Variants in HS2ST1 observed in about 807,000 individuals in gnomAD.
HS2ST1 encodes the protein 2-O-sulfotransferase.
A neutral mutation model predicts 42.9 loss-of-function variants in HS2ST1; 18 were observed. The observed-to-expected ratio is 0.42, with a 90% CI of 0.29 to 0.62. The LOEUF is 0.62. Among genes scored for constraint, HS2ST1 ranks in the 20% least tolerant of loss-of-function variants. The pLI is 0.21. For synonymous variants in HS2ST1, 146 were observed against 152.9 expected, an observed-to-expected ratio of 0.95 and a Z score of 0.33; for missense variants, 334 against 433.8, an observed-to-expected ratio of 0.77 and a Z score of 2.04.
chr1:86,991,587 G>A (rs1405189061), intron 1 of HS2ST1, among the ~76,000 whole-genome samples: 1 of 152,196 alleles, frequency 6.6e-6, no homozygotes, highest in Non-Finnish European at 1.5e-5. Context: ...AAATAGGTGA[G>A]GAGGCAGCTT....
At position 87,031,940 on chromosome 1, in the gene HS2ST1, A is replaced by G. The variant is rs149911749; in HGVS notation, c.125-40994A>G. On this transcript the variant is annotated intron_variant, in intron 1 of 6. Coordinates refer to ENST00000370550, the MANE Select transcript of HS2ST1 (RefSeq NM_012262.4). ...TTCATTCAACCACCATATTATGACT[A>G]ATATTTTATGGCATAATTTACTGGT... Among the ~76,000 whole-genome samples, 84 of 152,324 alleles carry G rather than the reference A, an allele frequency of 5.5e-4. No homozygotes were observed. The South Asian group carries it at 7.2e-3, about 13-fold the overall frequency.
Position 87,045,218 on chromosome 1 carries a change from T to A in HS2ST1, c.125-27716T>A, listed in dbSNP as rs78179507. ...CTTTTTCTGGGGCATCACCAACACT[T>A]CAAATTCAACATCCTTTCCTAGGTC... On this transcript the variant is annotated intron_variant, in intron 1 of 6. Coordinates refer to ENST00000370550, the MANE Select transcript of HS2ST1 (RefSeq NM_012262.4). 6,759 of 1,000,652 alleles carry A rather than the reference T, an allele frequency of 6.8e-3. 292 individuals carry two copies. The African/African-American group carries it at 0.095, about 14-fold the overall frequency. The allele number at this position is 1,000,652 out of a possible 1,614,324, so 62.0% of individuals were successfully genotyped here.
chr1:87,046,036 A>G, intron 1 of HS2ST1: 1 of 678,656 alleles, frequency 1.5e-6, no homozygotes, highest in East Asian at 3.4e-5. Context: ...CTGCAGTTTT[A>G]CCTGAAAGCT....
chr1:86,945,563 C>A (rs1300967081), intron 1 of HS2ST1, among the ~76,000 whole-genome samples: 4 of 8,670 alleles, frequency 4.6e-4, no homozygotes, highest in Admixed American at 8.3e-4. Context: ...TCATAAGCCT[C>A]TTTAATTAAT....
At chr1:87,052,098 C>G (rs1229004313) in intron 1 of HS2ST1, among the ~76,000 whole-genome samples, 2 of 152,018 alleles carry the variant, frequency 1.3e-5, no homozygotes, top group Non-Finnish European at 2.9e-5. Context: ...ACAAAAAATA[C>G]AAAAATTAGC....
intron 1 of HS2ST1, among the ~76,000 whole-genome samples, chr1:86,965,024 A>C (rs986535454): frequency 4.6e-5 from 7 of 152,164 alleles, no homozygotes; most frequent in African/African-American, 1.7e-4. Context: ...TGTGTAAATG[A>C]CTGATCTGCT....
chr1:87,046,144 C>A, intron 1 of HS2ST1: 1 of 719,360 alleles, frequency 1.4e-6, no homozygotes, highest in Non-Finnish European at 2.6e-6. Flanking sequence ...GATAACAGAG[C>A]TGCCCAAAAC....
chr1:87,050,163 A>T (rs6661216), intron 1 of HS2ST1, among the ~76,000 whole-genome samples: 2 of 151,702 alleles, frequency 1.3e-5, no homozygotes, highest in Non-Finnish European at 2.9e-5. Flanking sequence ...TTGTGGTCAG[A>T]ATATAGTTGA....
At chr1:87,012,877 T>G (rs188008612) in intron 1 of HS2ST1, among the ~76,000 whole-genome samples, 6 of 152,326 alleles carry the variant, frequency 3.9e-5, no homozygotes, top group Admixed American at 3.9e-4. Flanking sequence ...CGAAATCCAG[T>G]GGGGCAGTCA....
intron 6 of HS2ST1, 23 bp from the exon 7 acceptor site, chr1:87,104,446 CT>C (rs762996272): frequency 2.4e-5 from 35 of 1,467,380 alleles, no homozygotes; most frequent in East Asian, 4.5e-5. Context: ...TTTACCTTTC[CT>C]TTTTTTCCCC....
chr1:86,995,780 C>CA (rs553073971), intron 1 of HS2ST1, among the ~76,000 whole-genome samples: 43 of 148,200 alleles, frequency 2.9e-4, no homozygotes, highest in African/African-American at 6.2e-4. Context: ...TTAGGGATAG[C>CA]AAAAAAAAAT....
chr1:86,946,615 C>T (rs2064889), intron 1 of HS2ST1, among the ~76,000 whole-genome samples: 36,246 of 152,058 alleles, frequency 0.24, 5,092 homozygotes, highest in African/African-American at 0.38. Flanking sequence ...CTTTGAAATC[C>T]GCTTGGCTGA....
intron 1 of HS2ST1, among the ~76,000 whole-genome samples, chr1:87,011,219 A>C (rs1196018616): frequency 1.3e-5 from 2 of 152,016 alleles, no homozygotes; most frequent in Non-Finnish European, 2.9e-5. Context: ...GTTCAGTTAT[A>C]ATTCCTTTTA....
chr1:86,985,553 TACAC>T (rs71082055), intron 1 of HS2ST1, among the ~76,000 whole-genome samples: 2 of 37,404 alleles, frequency 5.3e-5, no homozygotes, highest in Non-Finnish European at 6.6e-5. Context: ...CACATATATA[TACAC>T]ACACACACAC....
intron 1 of HS2ST1, among the ~76,000 whole-genome samples, chr1:87,027,068 A>G (rs953549364): frequency 6.6e-6 from 1 of 152,210 alleles, no homozygotes; most frequent in South Asian, 2.1e-4. Context: ...AAATATGAGT[A>G]AGTTAACAGT....
At chr1:86,933,706 ATTT>A (rs58580477) in intron 1 of HS2ST1, among the ~76,000 whole-genome samples, 4 of 129,192 alleles carry the variant, frequency 3.1e-5, no homozygotes, top group Non-Finnish European at 3.2e-5. Context: ...ATGCCTTGTA[ATTT>A]TTTTTTTTTT....
At chr1:87,103,304 T>C in intron 5 of HS2ST1, 128 bp from the exon 6 acceptor site, 1 of 754,612 alleles carries the variant, frequency 1.3e-6, no homozygotes, top group Non-Finnish European at 2.0e-6. Context: ...AGGATGGTAA[T>C]AAAGAGGCAT....
At chr1:86,983,733 T>G (rs940892688) in intron 1 of HS2ST1, among the ~76,000 whole-genome samples, 2 of 147,614 alleles carry the variant, frequency 1.4e-5, no homozygotes, top group Non-Finnish European at 3.0e-5. Flanking sequence ...GACGGGGTGC[T>G]TATTTAAAAA....
At position 87,041,015 on chromosome 1, in the gene HS2ST1, A is replaced by C. The variant is rs368494181; in HGVS notation, c.125-31919A>C. On this transcript the variant is annotated intron_variant, in intron 1 of 6. Transcript: ENST00000370550. ...AACCACTAAGCTCTCCTCTGTCTTA[A>C]AGATTAAATAATTTTTCAAATTAGA... 3.3e-5 allele frequency among the ~76,000 whole-genome samples: 5 copies of C among 152,226 alleles called. No individual in the cohort carries two copies. The South Asian group carries it at 1.0e-3, about 32-fold the overall frequency.
Sources: allele counts gnomAD v4.1 joint callset (sites outside exome capture counted in the v4.1 genomes callset), GRCh38; gene constraint gnomAD v4.1.1; transcripts MANE v1.5; gene names NCBI Gene and HGNC (gene_info 2026-07-23, HGNC 2026-07-21).